Variants in KCNT2 observed in about 807,000 individuals in gnomAD.
KCNT2 encodes the protein potassium channel subfamily T member 2.
Under a neutral mutation model 153.8 loss-of-function variants are expected in KCNT2, and 67 were observed. That is an observed-to-expected ratio of 0.44 (90% CI 0.36 to 0.53). KCNT2 has a LOEUF of 0.53. KCNT2 is among the 20% of genes least tolerant of loss of function. The pLI is 0.00. For missense variants in KCNT2, 975 were observed against 1,354.8 expected, an observed-to-expected ratio of 0.72 and a Z score of 4.40; for synonymous variants, 500 against 458.8, an observed-to-expected ratio of 1.09 and a Z score of -1.15.
chr1:196,488,823 A>G (rs750229022), intron 3 of KCNT2, among the ~76,000 whole-genome samples: 2 of 151,954 alleles, frequency 1.3e-5, no homozygotes, highest in Non-Finnish European at 2.9e-5. Context: ...AGGAAAACAC[A>G]GCATGGTTCT....
intron 1 of KCNT2, among the ~76,000 whole-genome samples, chr1:196,519,386 C>G (rs1005043605): frequency 1.3e-5 from 2 of 151,972 alleles, no homozygotes; most frequent in African/African-American, 4.8e-5. Flanking sequence ...ACTAGAAAAA[C>G]TAGAGCAGCA....
At chr1:196,577,254 A>C (rs1661478255) in intron 1 of KCNT2, among the ~76,000 whole-genome samples, 1 of 152,168 alleles carries the variant, frequency 6.6e-6, no homozygotes. Context: ...ATACGCACAC[A>C]CAAAAATATT....
chr1:196,428,301 A>T (rs779410957), intron 9 of KCNT2, 32 bp from the exon 10 acceptor site: 1 of 1,525,950 alleles, frequency 6.6e-7, no homozygotes, highest in Non-Finnish European at 9.1e-7. Flanking sequence ...TGAATGAAAA[A>T]CACAGTAAGG....
chr1:196,535,370 A>G (rs534736891), intron 1 of KCNT2, among the ~76,000 whole-genome samples: 1 of 152,320 alleles, frequency 6.6e-6, no homozygotes, highest in African/African-American at 2.4e-5. Context: ...TCATTTAAAG[A>G]TAGTATCAGT....
At chr1:196,549,717 T>G (rs1364875974) in intron 1 of KCNT2, among the ~76,000 whole-genome samples, 1 of 151,978 alleles carries the variant, frequency 6.6e-6, no homozygotes, top group African/African-American at 2.4e-5. Flanking sequence ...CTAAATTTTA[T>G]GAGCCATGTG....
At chr1:196,568,911 G>A (rs143243325) in intron 1 of KCNT2, among the ~76,000 whole-genome samples, 12 of 152,106 alleles carry the variant, frequency 7.9e-5, no homozygotes, top group South Asian at 2.1e-4. Flanking sequence ...AAAGAACTCT[G>A]TACGGTAAAA....
At chr1:196,445,249 T>C (rs562588450) in intron 8 of KCNT2, among the ~76,000 whole-genome samples, 5 of 151,476 alleles carry the variant, frequency 3.3e-5, no homozygotes, top group Non-Finnish European at 1.5e-5. Context: ...TAAATGTCCT[T>C]GCACATGTGA....
chr1:196,258,633 G>T, intron 25 of KCNT2, 139 bp from the exon 26 acceptor site: 1 of 734,868 alleles, frequency 1.4e-6, no homozygotes, highest in Non-Finnish European at 2.3e-6. Flanking sequence ...ATCAGTCTTT[G>T]ATTCTAATTT....
chr1:196,496,367 C>T (rs1331361831), intron 1 of KCNT2, among the ~76,000 whole-genome samples: 3 of 151,440 alleles, frequency 2.0e-5, no homozygotes, highest in Non-Finnish European at 4.4e-5. Flanking sequence ...ACTCTGGAGG[C>T]TGCGGAAGGA....
At chr1:196,421,670 A>G (rs1056196877) in intron 12 of KCNT2, among the ~76,000 whole-genome samples, 1 of 152,046 alleles carries the variant, frequency 6.6e-6, no homozygotes, top group East Asian at 1.9e-4. Context: ...AAAGTTTTCC[A>G]ATCATTTTTT....
At chr1:196,349,307 G>T (rs1386456534) in intron 14 of KCNT2, among the ~76,000 whole-genome samples, 1 of 152,042 alleles carries the variant, frequency 6.6e-6, no homozygotes, top group East Asian at 1.9e-4. Context: ...TAATATTTTA[G>T]GCAGATCCCA....
intron 8 of KCNT2, among the ~76,000 whole-genome samples, chr1:196,444,877 G>A (rs1675554092): frequency 6.6e-6 from 1 of 151,206 alleles, no homozygotes; most frequent in South Asian, 2.1e-4. Flanking sequence ...TAAACTATTA[G>A]TCTCAGGCTG....
At chr1:196,252,158 T>C (rs943980331) in intron 26 of KCNT2, among the ~76,000 whole-genome samples, 1 of 151,870 alleles carries the variant, frequency 6.6e-6, no homozygotes, top group Non-Finnish European at 1.5e-5. Flanking sequence ...AAAATTCTTC[T>C]TTTAATCATT....
intron 26 of KCNT2, among the ~76,000 whole-genome samples, chr1:196,245,048 T>C (rs1182388384): frequency 6.6e-6 from 1 of 152,162 alleles, no homozygotes; most frequent in Non-Finnish European, 1.5e-5. Context: ...AACAAGAGTC[T>C]CTGCCTGGTA....
chr1:196,592,571 T>C (rs919072589), intron 1 of KCNT2, among the ~76,000 whole-genome samples: 9 of 147,408 alleles, frequency 6.1e-5, no homozygotes, highest in Admixed American at 5.5e-4. Flanking sequence ...TATATAGTTA[T>C]AGTTTTATAT....
At position 196,340,584 on chromosome 1, in the gene KCNT2, A is replaced by G. The variant is rs1665523568; in HGVS notation, c.1554-14T>C. 1 of 1,464,394 alleles carries G rather than the reference A, an allele frequency of 6.8e-7. No individual in the cohort carries two copies. The highest frequency in any genetic ancestry group is 1.4e-5 in the African/African-American group (1 of 70,246). 90.7% of individuals were successfully genotyped at this position (1,464,394 alleles called of 1,614,324 possible). A position where few individuals can be genotyped will look rare whatever the true frequency, so the allele number is the denominator to read the frequency against. The stretch of plus-strand genomic sequence containing the variant: ...CAGACGCCAAACCTTAATTTAAAAA[A>G]AAAGAGAGTTTGTAAGAAAATTAGT... On this transcript the variant is annotated splice_polypyrimidine_tract_variant and intron_variant, in intron 15 of 27. Transcript: ENST00000294725.
chr1:196,456,864 G>C (rs939856950), intron 8 of KCNT2, among the ~76,000 whole-genome samples: 5 of 151,880 alleles, frequency 3.3e-5, no homozygotes, highest in African/African-American at 4.8e-5. Flanking sequence ...AAAAGCCCTG[G>C]AGACAGTAGG....
At chr1:196,542,146 A>C (rs1656464710) in intron 1 of KCNT2, among the ~76,000 whole-genome samples, 1 of 152,140 alleles carries the variant, frequency 6.6e-6, no homozygotes, top group African/African-American at 2.4e-5. Flanking sequence ...ATGATGTGAA[A>C]GGTTTAAATA....
intron 1 of KCNT2, among the ~76,000 whole-genome samples, chr1:196,564,535 A>G (rs1659841939): frequency 6.6e-6 from 1 of 151,866 alleles, no homozygotes; most frequent in Admixed American, 6.6e-5. Context: ...GACCACAAAA[A>G]GTCAACTCAA....
Sources: allele counts gnomAD v4.1 joint callset (sites outside exome capture counted in the v4.1 genomes callset), GRCh38; gene constraint gnomAD v4.1.1; transcripts MANE v1.5; gene names NCBI Gene and HGNC (gene_info 2026-07-23, HGNC 2026-07-21).